Variants in SAFB2 observed in about 807,000 individuals in gnomAD.
The protein encoded by SAFB2 is scaffold attachment factor B2.
SAFB2 carries 32 observed loss-of-function variants against 100.6 expected under a neutral mutation model. The ratio of observed to expected loss-of-function variants is 0.32; its 90% CI spans 0.24 to 0.43. SAFB2 has a LOEUF of 0.43. Among genes scored for constraint, SAFB2 ranks in the 20% least tolerant of loss-of-function variants. SAFB2 has a pLI of 1.00. For synonymous variants in SAFB2, 500 were observed against 439.4 expected (o/e 1.14, Z -1.72); for missense variants, 1,185 against 1,163.4 (o/e 1.02, Z -0.27).
intron 11 of SAFB2, 45 bp from the exon 12 acceptor site, chr19:5,600,305 T>C (rs2052628418): frequency 1.9e-6 from 3 of 1,602,832 alleles, no homozygotes; most frequent in South Asian, 1.1e-5. Flanking sequence ...CAAGACTCTG[T>C]AACAGGAACG....
intron 11 of SAFB2, among the ~76,000 whole-genome samples, chr19:5,601,532 A>C (rs534209873): frequency 4.6e-5 from 7 of 151,870 alleles, no homozygotes; most frequent in Non-Finnish European, 1.0e-4. Context: ...AACATTGTGA[A>C]ACTCCGTCTC....
chr19:5,595,283 A>G, intron 14 of SAFB2, 78 bp downstream of exon 14: 3 of 1,535,990 alleles, frequency 2.0e-6, no homozygotes, highest in South Asian at 2.4e-5. Context: ...CAGACTGCGC[A>G]CTCCAAGTAC....
At chr19:5,605,568 G>A (rs1314142986) in intron 9 of SAFB2, among the ~76,000 whole-genome samples, 1 of 152,126 alleles carries the variant, frequency 6.6e-6, no homozygotes, top group Non-Finnish European at 1.5e-5. Flanking sequence ...AACAGCTGTG[G>A]GGCTACTAAG....
intron 9 of SAFB2, among the ~76,000 whole-genome samples, chr19:5,607,743 G>A (rs1199114560): frequency 6.6e-6 from 1 of 152,160 alleles, no homozygotes; most frequent in Non-Finnish European, 1.5e-5. Context: ...CTCTGACTCA[G>A]GGCATCAACC....
Position 5,611,435 on chromosome 19 carries a change from G to A in SAFB2, c.830C>T (p.Thr277Ile). ...TGCCTTGCTCGACTGAGCGTGTGCTGTTGACTCGCTGGCCAAATCTAAATC... is the reference window on the plus strand; with the variant it reads ...TGCCTTGCTCGACTGAGCGTGTGCTATTGACTCGCTGGCCAAATCTAAATC... The part of the protein sequence containing the change: ...EGDLDLASES[T>I]AHAQSSKADS... Residue 277 changes from threonine to isoleucine, a missense_variant, in exon 7 of 21, where the codon ACA becomes ATA. This residue lies in a region of SAFB2 where 351 missense variants were observed against 341.2 expected (regional missense o/e 1.03). Transcript: ENST00000252542. 1 of 373,852 alleles carries A rather than the reference G, an allele frequency of 2.7e-6. No individual in the cohort carries two copies. Among genetic ancestry groups the A allele is most frequent in the Non-Finnish European group, 4.5e-6 (1 of 223,342 alleles). 23.2% of individuals were successfully genotyped at this position (373,852 alleles called of 1,614,324 possible).
chr19:5,621,948 G>A (rs2053162196), intron 1 of SAFB2, among the ~76,000 whole-genome samples: 1 of 152,240 alleles, frequency 6.6e-6, no homozygotes, highest in African/African-American at 2.4e-5. Context: ...CTTTCAGCGA[G>A]GTGCGACACA....
chr19:5,594,522 G>T (rs1432910100), intron 14 of SAFB2, among the ~76,000 whole-genome samples: 1 of 152,180 alleles, frequency 6.6e-6, no homozygotes, highest in African/African-American at 2.4e-5. Context: ...AGAGGGACAA[G>T]CCTCCTTCAA....
At chr19:5,601,768 C>T (rs2052664566) in intron 11 of SAFB2, among the ~76,000 whole-genome samples, 1 of 151,718 alleles carries the variant, frequency 6.6e-6, no homozygotes, top group African/African-American at 2.4e-5. Flanking sequence ...GATCCTGAGA[C>T]AGAACTTAGG....
At chr19:5,588,509 C>G (rs745556081) in intron 18 of SAFB2, among the ~76,000 whole-genome samples, 1 of 152,178 alleles carries the variant, frequency 6.6e-6, no homozygotes, top group Non-Finnish European at 1.5e-5. Flanking sequence ...AACTGATGAG[C>G]AGATAACACT....
At chr19:5,612,211 T>C (rs998423144) in intron 6 of SAFB2, 24 of 403,016 alleles carry the variant, frequency 6.0e-5, no homozygotes, top group Non-Finnish European at 9.8e-5. Flanking sequence ...TCAAAATGAC[T>C]GCAGCAAAAT....
In SAFB2 at chr19:5,602,908, G is replaced by GC. The variant is rs1181883129; in HGVS notation, c.1559+1674dup. 1.6e-3 allele frequency among the ~76,000 whole-genome samples: 201 copies of GC among 126,984 alleles called. No homozygotes were observed. In the Middle Eastern group the frequency reaches 0.017, roughly 11 times the overall value. 83.3% of individuals were successfully genotyped at this position (126,984 alleles called of 152,430 possible). A position where few individuals can be genotyped will look rare whatever the true frequency, so the allele number is the denominator to read the frequency against. ...TGCTGATTAAATTAGAGGGCTCACC[G>GC]CCCCCCCCACCCCCCTCCTCCAAGT... On this transcript the variant is annotated intron_variant, in intron 11 of 20. Transcript: ENST00000252542.
intron 9 of SAFB2, among the ~76,000 whole-genome samples, chr19:5,607,018 T>C (rs1179944122): frequency 6.6e-6 from 1 of 152,106 alleles, no homozygotes; most frequent in East Asian, 1.9e-4. Flanking sequence ...TCTCAGCACT[T>C]TGGGAGGCCG....
At chr19:5,607,020 G>C (rs1212134559) in intron 9 of SAFB2, among the ~76,000 whole-genome samples, 2 of 152,178 alleles carry the variant, frequency 1.3e-5, no homozygotes, top group African/African-American at 4.8e-5. Context: ...TCAGCACTTT[G>C]GGAGGCCGAG....
rs8103338 is a variant in SAFB2 at position 5,622,408 on chromosome 19, C to A, written c.186+122G>T. 8.7e-3 allele frequency: 9,017 copies of A among 1,033,034 alleles called. 605 individuals are homozygous for A. The African/African-American group carries it at 0.14, about 16-fold the overall frequency. The allele number at this position is 1,033,034 out of a possible 1,614,324, so 64.0% of individuals were successfully genotyped here. A position where few individuals can be genotyped will look rare whatever the true frequency, so the allele number is the denominator to read the frequency against. On this transcript the variant is annotated intron_variant, in intron 1 of 20. Coordinates refer to ENST00000252542, the MANE Select transcript of SAFB2 (RefSeq NM_014649.3). Reference sequence around the variant, plus strand: ...CCCCCTGGGTGCCCGACACCTCGAACCGGGGTCGGCCAAGACGCGGGGCGA... The same window carrying A: ...CCCCCTGGGTGCCCGACACCTCGAAACGGGGTCGGCCAAGACGCGGGGCGA...
Position 5,587,887 on chromosome 19 carries a change from C to T in SAFB2, c.2619G>A (p.Arg873=). 1 of 1,611,782 alleles carries T rather than the reference C, an allele frequency of 6.2e-7. No homozygotes were observed. Among genetic ancestry groups the T allele is most frequent in the Non-Finnish European group, 8.5e-7 (1 of 1,179,440 alleles). ...QGAMDAGAAS[R]EHARWQGGER... is the part of the protein sequence containing the mutation. The stretch of plus-strand genomic sequence containing the variant: ...CCGTACCTTGCCACCTGGCGTGCTC[C>T]CGGCTAGCCGCGCCTGCGTCCATGG... The change falls in exon 19 of 21, where the codon CGG becomes CGA. Residue 873 remains arginine, a synonymous_variant. Transcript: ENST00000252542. The surrounding 1 kb of genome is among the most constrained non-coding windows in gnomAD (Gnocchi z 4.9).
chr19:5,593,296 G>A (rs2052455328), intron 15 of SAFB2, among the ~76,000 whole-genome samples: 1 of 152,220 alleles, frequency 6.6e-6, no homozygotes, highest in Middle Eastern at 3.2e-3. Flanking sequence ...AAAGCAAAGA[G>A]AATTAGATGG....
intron 18 of SAFB2, among the ~76,000 whole-genome samples, chr19:5,589,486 G>T (rs1025985370): frequency 2.0e-5 from 3 of 151,994 alleles, no homozygotes; most frequent in African/African-American, 7.2e-5. Context: ...CGCTGGGCAG[G>T]GTCCGAGGCA....
intron 13 of SAFB2, chr19:5,598,383 C>G: frequency 4.5e-6 from 1 of 224,618 alleles, no homozygotes; most frequent in Non-Finnish European, 9.1e-6. Context: ...GCTCTCTGTC[C>G]TAGGTTGGTC....
intron 11 of SAFB2, 91 bp downstream of exon 11, chr19:5,604,492 T>A: frequency 1.1e-6 from 1 of 880,094 alleles, no homozygotes; most frequent in East Asian, 2.6e-5. Flanking sequence ...TGGGTACAGG[T>A]GGGGACAGAT....
Sources: gnomAD v4.1 joint callset for allele counts (sites outside exome capture counted in the v4.1 genomes callset) on GRCh38, gnomAD v4.1.1 for gene constraint, gnomAD v4.1.1 regional missense constraint, Gnocchi (gnomAD v3.1) non-coding constraint, MANE v1.5 for transcripts, NCBI Gene and HGNC (gene_info 2026-07-23, HGNC 2026-07-21) for gene names.